The following ZDHHC11 variants were observed in gnomAD, a reference collection of about 807,000 sequenced individuals.
ZDHHC11 encodes palmitoyltransferase ZDHHC11.
Under a neutral mutation model 51.3 loss-of-function variants are expected in ZDHHC11, and 44 were observed. The ratio of observed to expected loss-of-function variants is 0.86; its 90% CI spans 0.67 to 1.10. The LOEUF (loss-of-function observed/expected upper bound fraction) is 1.10. Among genes scored for constraint, ZDHHC11 ranks in the 50% least tolerant of loss-of-function variants. The pLI is 0.00. For missense variants in ZDHHC11, 400 were observed against 537.7 expected (o/e 0.74, Z 2.53); for synonymous variants, 163 against 222.0 (o/e 0.73, Z 2.36).
At chr5:850,211 C>T (rs560864959) in intron 1 of ZDHHC11, 170 bp downstream of exon 1, 1 of 732,302 alleles carries the variant, frequency 1.4e-6, no homozygotes, top group East Asian at 2.7e-5. Context: ...AGGGGCTGCA[C>T]AGAGCATGAG....
chr5:804,324 G>A (rs1188604492), intron 11 of ZDHHC11, among the ~76,000 whole-genome samples: 1 of 151,174 alleles, frequency 6.6e-6, no homozygotes, highest in Non-Finnish European at 1.5e-5. Context: ...TAATGTACAG[G>A]AAAAAACATA....
intron 4 of ZDHHC11, chr5:841,885 AGACCC>A: frequency 1.0e-6 from 1 of 989,634 alleles, no homozygotes; most frequent in Non-Finnish European, 1.2e-6. Flanking sequence ...TTTCGGTGAC[AGACCC>A]TCTCTGGAAC....
Position 810,485 on chromosome 5 carries a change from C to A in ZDHHC11, c.1181+4276G>T, listed in dbSNP as rs1409308230. On this transcript the variant is annotated intron_variant, in intron 11 of 12. Coordinates refer to ENST00000283441, the MANE Select transcript of ZDHHC11 (RefSeq NM_024786.3). ...TCCTACACATTTCCCACAAAATAGA[C>A]CTGTGATTAGCAACATCACACCTCA... 1.5e-4 allele frequency among the ~76,000 whole-genome samples: 22 copies of A among 151,428 alleles called. No homozygotes were observed. In the South Asian group the frequency reaches 4.6e-3, roughly 32 times the overall value.
chr5:820,574 C>A (rs1741436215), intron 9 of ZDHHC11, among the ~76,000 whole-genome samples: 1 of 151,142 alleles, frequency 6.6e-6, no homozygotes. Context: ...GGCTGGTGCA[C>A]ACCTGGGGAA....
intron 6 of ZDHHC11, among the ~76,000 whole-genome samples, chr5:835,748 T>C (rs1244098016): frequency 6.6e-6 from 1 of 152,014 alleles, no homozygotes; most frequent in East Asian, 1.9e-4. Flanking sequence ...ACCTTTTCAC[T>C]TAATAGAGCG....
intron 11 of ZDHHC11, among the ~76,000 whole-genome samples, chr5:805,344 G>A (rs1156937568): frequency 1.3e-5 from 2 of 150,672 alleles, no homozygotes; most frequent in African/African-American, 4.9e-5. Flanking sequence ...AGGTTGAGGT[G>A]GAAAGATTGC....
rs1323736808 is a variant in ZDHHC11 at position 850,558 on chromosome 5, G to A, written c.45C>T (p.Ala15=). 1 of 1,613,634 alleles carries A rather than the reference G, an allele frequency of 6.2e-7. No individual in the cohort carries two copies. Among genetic ancestry groups the A allele is most frequent in the South Asian group, 1.1e-5 (1 of 91,084 alleles). ...AGACCAGCTTTTCATTATTGAGTAT[G>A]GCTTCTGGGGTGACGGAACACTGGC... is the stretch of plus-strand genomic sequence containing the variant. ...SGSQCSVTPE[A]ILNNEKLVLP... Residue 15 remains alanine (A), a synonymous_variant, in exon 1 of 13, where the codon GCC becomes GCT. Coordinates refer to ENST00000283441, the MANE Select transcript of ZDHHC11 (RefSeq NM_024786.3).
At position 841,551 on chromosome 5, in the gene ZDHHC11, G is replaced by A. The variant is rs1294759166; in HGVS notation, c.629-901C>T. Reference sequence around the variant, plus strand: ...CGGTGCCCACCCCTTCCTAAGTGCCGGGGTCACAGAGCCTGCCAGCTCTGC... The same window carrying A: ...CGGTGCCCACCCCTTCCTAAGTGCCAGGGTCACAGAGCCTGCCAGCTCTGC... On this transcript the variant is annotated intron_variant, in intron 4 of 12. Transcript: ENST00000283441. The A allele has an allele frequency of 8.0e-6, 8 of 1,000,924 alleles. No homozygotes were observed. The South Asian group carries it at 1.2e-4, about 16-fold the overall frequency. 62.0% of individuals were successfully genotyped at this position (1,000,924 alleles called of 1,614,324 possible). A position where few individuals can be genotyped will look rare whatever the true frequency, so the allele number is the denominator to read the frequency against.
At chr5:850,251 G>A in intron 1 of ZDHHC11, 130 bp downstream of exon 1, 1 of 1,066,504 alleles carries the variant, frequency 9.4e-7, no homozygotes, top group Non-Finnish European at 1.4e-6. Context: ...CAGGCTCAGG[G>A]GACATAGTCT....
At chr5:840,241 C>T (rs745799920) in intron 5 of ZDHHC11, 14 of 721,590 alleles carry the variant, frequency 1.9e-5, no homozygotes, top group East Asian at 8.0e-5. Flanking sequence ...CTGCAGGTCT[C>T]GGCGTGAGTT....
intron 8 of ZDHHC11, 25 bp from the exon 9 acceptor site, chr5:821,920 A>T: frequency 6.3e-7 from 1 of 1,592,060 alleles, no homozygotes; most frequent in South Asian, 1.1e-5. Flanking sequence ...AGCAAAATTC[A>T]TAGAATGAAT....
rs115248001 is a variant in ZDHHC11 at position 822,408 on chromosome 5, G to C, written c.1024-513C>G. The stretch of plus-strand genomic sequence containing the variant: ...AGATATGTGAGAAAATACATTTCTT[G>C]TTGCAACACCCCATCCATGGTTCCT... On this transcript the variant is annotated intron_variant, in intron 8 of 12. Transcript: ENST00000283441. Among the ~76,000 whole-genome samples, 1,362 of 151,510 alleles carry C rather than the reference G, an allele frequency of 9.0e-3. 47 individuals are homozygous for C. The highest frequency in any genetic ancestry group is 0.031 in the African/African-American group (1,262 of 41,332).
rs1744637046 is a variant in ZDHHC11, at chr5:840,485, G to C, written c.784+10C>G. On this transcript the variant is annotated intron_variant, in intron 5 of 12. Coordinates refer to ENST00000283441, the MANE Select transcript of ZDHHC11 (RefSeq NM_024786.3). The stretch of plus-strand genomic sequence containing the variant: ...TTGGGGGGATCGGGGGCTTAGGGTG[G>C]GGGACATACTCAGGTAGATGTGGAA... 1 of 1,613,444 alleles carries C rather than the reference G, an allele frequency of 6.2e-7. No homozygotes were observed. The highest frequency in any genetic ancestry group is 8.5e-7 in the Non-Finnish European group (1 of 1,179,880).
intron 4 of ZDHHC11, chr5:841,976 C>A: frequency 1.0e-6 from 1 of 989,072 alleles, no homozygotes; most frequent in Non-Finnish European, 1.2e-6. Context: ...GTGCCTGGGC[C>A]GGGCTGGACC....
chr5:840,100 T>A, intron 5 of ZDHHC11: 1 of 611,772 alleles, frequency 1.6e-6, no homozygotes, highest in South Asian at 2.0e-5. Flanking sequence ...TATTTCATTG[T>A]TAGAATTTCT....
upstream of ZDHHC11, among the ~76,000 whole-genome samples, chr5:852,938 G>A (rs1289371916): frequency 1.4e-5 from 2 of 143,576 alleles, no homozygotes; most frequent in Non-Finnish European, 3.0e-5. Context: ...GAGCCGAGGG[G>A]ACAGACCCCA....
intron 11 of ZDHHC11, among the ~76,000 whole-genome samples, chr5:808,984 T>TACACACACACACACACACACACACACAC (rs56961185): frequency 6.7e-5 from 9 of 133,744 alleles, no homozygotes; most frequent in African/African-American, 2.5e-4. Flanking sequence ...GACCATCAGT[T>TACACACACACACACACACACACACACAC]ACACACACAC....
At chr5:821,971 C>T (rs2150337200) in intron 8 of ZDHHC11, 76 bp from the exon 9 acceptor site, 1 of 1,342,164 alleles carries the variant, frequency 7.5e-7, no homozygotes, top group Non-Finnish European at 1.0e-6. Flanking sequence ...AAGTCCATTT[C>T]TAGTCAGTTC....
chr5:852,507 GACA>G (rs1293214628), upstream of ZDHHC11, among the ~76,000 whole-genome samples: 3 of 152,268 alleles, frequency 2.0e-5, no homozygotes, highest in African/African-American at 7.2e-5. Context: ...CCCCACAGAG[GACA>G]ACGAGCAGCG....
Sources: allele counts gnomAD v4.1 joint callset (sites outside exome capture counted in the v4.1 genomes callset), GRCh38; gene constraint gnomAD v4.1.1; transcripts MANE v1.5; gene names NCBI Gene and HGNC (gene_info 2026-07-23, HGNC 2026-07-21).